NAV1: variants seen among roughly 807,000 people sequenced by gnomAD.
NAV1 encodes the protein neuron navigator 1.
NAV1 carries 18 observed loss-of-function variants against 175.2 expected under a neutral mutation model. The ratio of observed to expected loss-of-function variants is 0.10; its 90% CI spans 0.07 to 0.15. The LOEUF (loss-of-function observed/expected upper bound fraction) is 0.15. NAV1 is among the 10% of genes least tolerant of loss of function. The pLI is 1.00. For synonymous variants in NAV1, 897 were observed against 978.7 expected (o/e 0.92, Z 1.56); for missense variants, 1,731 against 2,436.6 (o/e 0.71, Z 6.10).
chr1:201,737,018 C>G (rs545926739), intron 3 of NAV1, among the ~76,000 whole-genome samples: 11 of 151,978 alleles, frequency 7.2e-5, no homozygotes, highest in African/African-American at 2.7e-4. Flanking sequence ...GACAACCGTG[C>G]CACCATATCC....
At chr1:201,789,397 C>T (rs2102738694) in intron 10 of NAV1, among the ~76,000 whole-genome samples, 1 of 152,270 alleles carries the variant, frequency 6.6e-6, no homozygotes, top group South Asian at 2.1e-4. Flanking sequence ...AGAAACTCCC[C>T]TCTCCTGCGG....
At chr1:201,565,550 A>AGATTCACTG (rs1297629468) in intron 1 of NAV1, among the ~76,000 whole-genome samples, 2 of 152,262 alleles carry the variant, frequency 1.3e-5, no homozygotes, top group African/African-American at 2.4e-5. Context: ...CTGAGATCAC[A>AGATTCACTG]AGGGAACAGA....
intron 1 of NAV1, among the ~76,000 whole-genome samples, chr1:201,702,975 T>C (rs749085469): frequency 5.9e-5 from 9 of 152,206 alleles, no homozygotes; most frequent in Non-Finnish European, 1.0e-4. Context: ...TACCCAGCCC[T>C]GTAGAAGAGT....
intron 2 of NAV1, among the ~76,000 whole-genome samples, chr1:201,630,736 G>A (rs1319525795): frequency 6.6e-6 from 1 of 152,214 alleles, no homozygotes; most frequent in Non-Finnish European, 1.5e-5. Context: ...GGGCATGGCA[G>A]GGGACAAAAG....
intron 2 of NAV1, among the ~76,000 whole-genome samples, chr1:201,632,824 T>C (rs1668515880): frequency 6.6e-6 from 1 of 152,262 alleles, no homozygotes; most frequent in Non-Finnish European, 1.5e-5. Flanking sequence ...TTTCTTCCTC[T>C]TTCTTCTCCC....
chr1:201,720,207 A>C (rs113999636), intron 3 of NAV1, among the ~76,000 whole-genome samples: 367 of 152,328 alleles, frequency 2.4e-3, no homozygotes, highest in Non-Finnish European at 4.4e-3. Context: ...CCTCTGCCCT[A>C]GGAAGCTGCC....
At chr1:201,716,474 G>A (rs951579350) in intron 2 of NAV1, among the ~76,000 whole-genome samples, 3 of 152,172 alleles carry the variant, frequency 2.0e-5, no homozygotes, top group African/African-American at 4.8e-5. Flanking sequence ...CTCTGGCTTC[G>A]GGGCACATCG....
At chr1:201,685,999 C>T (rs755612538) in intron 1 of NAV1, among the ~76,000 whole-genome samples, 2 of 152,178 alleles carry the variant, frequency 1.3e-5, no homozygotes, top group Admixed American at 6.5e-5. Context: ...GTAAAGGGTA[C>T]CTGAGACAGC....
In NAV1 at chr1:201,800,960, C is replaced by G. The variant is rs1244271505; in HGVS notation, c.3518-2633C>G. 2.6e-5 allele frequency among the ~76,000 whole-genome samples: 4 copies of G among 151,930 alleles called. No homozygotes were observed. In the South Asian group the frequency reaches 8.3e-4, roughly 32 times the overall value. ...CCTCCTGCTTCAGCCAGCCAAGTAG[C>G]TGGGACCACAGGCGTGTGCCACCAC... On this transcript the variant is annotated intron_variant, in intron 15 of 29. Coordinates refer to ENST00000367296, the Ensembl canonical transcript of NAV1.
chr1:201,726,787 T>C lies in NAV1; in HGVS notation c.1226+8032T>C, dbSNP rs529051675. Among the ~76,000 whole-genome samples the C allele has an allele frequency of 6.6e-5, 10 of 152,310 alleles. No homozygotes were observed. In the East Asian group the frequency reaches 1.7e-3, roughly 26 times the overall value. On this transcript the variant is annotated intron_variant, in intron 3 of 29. Coordinates refer to ENST00000367296, the Ensembl canonical transcript of NAV1. ...TTCTTAAACTTGGAAGATGAGGACA[T>C]TAAATTTGGGCTTTGACTTAGGTTT... is the stretch of plus-strand genomic sequence containing the variant.
At chr1:201,583,767 A>G (rs747299300) in intron 1 of NAV1, among the ~76,000 whole-genome samples, 8 of 152,218 alleles carry the variant, frequency 5.3e-5, no homozygotes, top group African/African-American at 1.7e-4. Flanking sequence ...CTCATGGCCA[A>G]TAGTGCTTCC....
At chr1:201,804,518 C>T in intron 17 of NAV1, 21 bp downstream of exon 21, 9 of 1,543,002 alleles carry the variant, frequency 5.8e-6, no homozygotes, top group Non-Finnish European at 7.9e-6. Context: ...CAGTTCCTAT[C>T]CCCTTATTTT....
intron 1 of NAV1, among the ~76,000 whole-genome samples, chr1:201,545,785 C>G (rs1665652618): frequency 6.6e-6 from 1 of 152,200 alleles, no homozygotes; most frequent in African/African-American, 2.4e-5. Context: ...GAGAACTGGG[C>G]TGATGCAGAA....
At chr1:201,591,385 G>A (rs1371155032) in intron 2 of NAV1, among the ~76,000 whole-genome samples, 3 of 152,124 alleles carry the variant, frequency 2.0e-5, no homozygotes, top group Non-Finnish European at 4.4e-5. Flanking sequence ...GTCAAGAGGT[G>A]AGGAGAGGAA....
chr1:201,577,889 T>C (rs1053532583), intron 1 of NAV1, among the ~76,000 whole-genome samples: 1 of 152,196 alleles, frequency 6.6e-6, no homozygotes, highest in Non-Finnish European at 1.5e-5. Context: ...TTTCCACCTG[T>C]AGATTAAGGT....
intron 28 of NAV1, 71 bp from the exon 33 acceptor site, chr1:201,817,017 C>T (rs1679081552): frequency 1.4e-6 from 2 of 1,451,086 alleles, no homozygotes; most frequent in African/African-American, 2.8e-5. Context: ...GTAGGAACTA[C>T]CAAAAGACTG....
intron 13 of NAV1, 125 bp downstream of exon 17, chr1:201,790,891 T>TG (rs1677071638): frequency 1.2e-6 from 1 of 813,294 alleles, no homozygotes. Flanking sequence ...GGCATGCGTC[T>TG]TCTTCACAGC....
chr1:201,780,992 C>G lies in NAV1; in HGVS notation c.1366-20C>G. On this transcript the variant is annotated intron_variant, in intron 4 of 29. Transcript: ENST00000367296. ...ATCTGCATAGAAGTATCTCACTCTG[C>G]CTTTTTCTCTTTTCTTTAGCTACGC... 6.3e-7 allele frequency: 1 copy of G among 1,577,350 alleles called. No individual in the cohort carries two copies. The highest frequency in any genetic ancestry group is 1.7e-4 in the Middle Eastern group (1 of 5,856).
At chr1:201,726,804 C>T (rs1672625987) in intron 3 of NAV1, among the ~76,000 whole-genome samples, 1 of 152,138 alleles carries the variant, frequency 6.6e-6, no homozygotes. Flanking sequence ...TGGGCTTTGA[C>T]TTAGGTTTCA....
Sources: allele counts gnomAD v4.1 joint callset (sites outside exome capture counted in the v4.1 genomes callset), GRCh38; gene constraint gnomAD v4.1.1; transcripts MANE v1.5; gene names NCBI Gene and HGNC (gene_info 2026-07-23, HGNC 2026-07-21).